VWF: variants seen among roughly 807,000 people sequenced by gnomAD.
VWF encodes the protein Factor VIII related antigen.
In VWF, 176 loss-of-function variants were observed where a neutral mutation model predicts 308.6. That is an observed-to-expected ratio of 0.57 (90% confidence interval 0.50 to 0.65). The LOEUF (loss-of-function observed/expected upper bound fraction) is 0.65. Ranked by LOEUF, VWF falls within the 30% of genes least tolerant of loss-of-function variation. The pLI is 0.00. For synonymous variants in VWF, 1,385 were observed against 1,443.4 expected, an observed-to-expected ratio of 0.96 and a Z score of 0.92; for missense variants, 3,146 against 3,648.2, an observed-to-expected ratio of 0.86 and a Z score of 3.55.
intron 47 of VWF, among the ~76,000 whole-genome samples, chr12:5,955,657 G>T (rs1943240935): frequency 6.6e-6 from 1 of 151,548 alleles, no homozygotes; most frequent in Admixed American, 6.6e-5. Flanking sequence ...TTGCTATTGT[G>T]ACTAGTGTAG....
chr12:5,960,684 T>C (rs1010928224), intron 47 of VWF, among the ~76,000 whole-genome samples: 16 of 152,290 alleles, frequency 1.1e-4, no homozygotes, highest in African/African-American at 3.4e-4. Flanking sequence ...GGCTCACCAT[T>C]TGAAATCAAT....
At position 6,060,523 on chromosome 12, in the gene VWF, C is replaced by A. The variant is rs563974671; in HGVS notation, c.1533+2431G>T. The stretch of plus-strand genomic sequence containing the variant: ...ACCTCCTGCCCCAACTCAAACACCC[C>A]CTTTCCTGCTTCATAATAAAACCCA... On this transcript the variant is annotated intron_variant, in intron 13 of 51. Transcript: ENST00000261405. The surrounding 1 kb of genome is among the most constrained non-coding windows in gnomAD (Gnocchi z 5.1). Among the ~76,000 whole-genome samples, 1 of 152,172 alleles carries A rather than the reference C, an allele frequency of 6.6e-6. No homozygotes were observed. Among genetic ancestry groups the A allele is most frequent in the African/African-American group, 2.4e-5 (1 of 41,446 alleles).
At chr12:5,969,021 C>A (rs1393182338) in intron 45 of VWF, among the ~76,000 whole-genome samples, 190 bp downstream of exon 45, 1 of 152,172 alleles carries the variant, frequency 6.6e-6, no homozygotes, top group Non-Finnish European at 1.5e-5. Flanking sequence ...ATGTAGTGAT[C>A]TTCAGGAAAT....
chr12:6,011,290 C>G lies in VWF; in HGVS notation c.5842+327G>C, dbSNP rs141686973. Among the ~76,000 whole-genome samples, 20 of 152,296 alleles carry G rather than the reference C, an allele frequency of 1.3e-4. No homozygotes were observed. In the East Asian group the frequency reaches 3.3e-3, roughly 25 times the overall value. On this transcript the variant is annotated intron_variant, in intron 34 of 51. Transcript: ENST00000261405. ...CACTGCTATACTTCCACTGCTATAC[C>G]CTGAATACACAGATTCCTAAAGGTT...
intron 43 of VWF, among the ~76,000 whole-genome samples, chr12:5,975,297 T>G (rs1237231743): frequency 6.6e-6 from 1 of 152,260 alleles, no homozygotes; most frequent in Non-Finnish European, 1.5e-5. Flanking sequence ...AAGATGGATG[T>G]GCTCGCCTGC....
intron 9 of VWF, among the ~76,000 whole-genome samples, chr12:6,071,849 T>A (rs989105551): frequency 6.6e-6 from 1 of 152,134 alleles, no homozygotes; most frequent in South Asian, 2.1e-4. Context: ...AGAGGTGACA[T>A]CCAGGGGTGC....
chr12:6,078,009 C>T (rs955248504), intron 6 of VWF, among the ~76,000 whole-genome samples: 3 of 152,116 alleles, frequency 2.0e-5, no homozygotes, highest in African/African-American at 4.8e-5. Flanking sequence ...AATATGCACG[C>T]GGAAGACTTA....
intron 5 of VWF, among the ~76,000 whole-genome samples, chr12:6,108,334 TACACACACACAC>T (rs34140032): frequency 0.056 from 6,902 of 124,192 alleles, 461 homozygotes; most frequent in African/African-American, 0.16. Flanking sequence ...AAGAAATATA[TACACACACACAC>T]ACACACACAC....
chr12:6,104,922 A>G (rs1352607780), intron 5 of VWF, among the ~76,000 whole-genome samples: 1 of 152,230 alleles, frequency 6.6e-6, no homozygotes, highest in Non-Finnish European at 1.5e-5. Context: ...ATTTGGCCAT[A>G]AGAATGAAAT....
intron 16 of VWF, among the ~76,000 whole-genome samples, chr12:6,049,934 C>T (rs1309759099): frequency 6.6e-6 from 1 of 152,178 alleles, no homozygotes; most frequent in Non-Finnish European, 1.5e-5. Flanking sequence ...CTGAACATTC[C>T]CCCAAGTTCT....
At chr12:6,084,531 G>A (rs1944948004) in intron 6 of VWF, among the ~76,000 whole-genome samples, 1 of 152,142 alleles carries the variant, frequency 6.6e-6, no homozygotes. Flanking sequence ...GCGGGTGCAG[G>A]GGAGGAGGAG....
chr12:6,058,682 ATAGGAG>A lies in VWF; in HGVS notation c.1534-644_1534-639del, dbSNP rs1464786290. Among the ~76,000 whole-genome samples the A allele has an allele frequency of 1.3e-5, 2 of 152,212 alleles. No individual in the cohort carries two copies. The highest frequency in any genetic ancestry group is 4.8e-5 in the African/African-American group (2 of 41,448). On this transcript the variant is annotated intron_variant, in intron 13 of 51. Transcript: ENST00000261405. The surrounding 1 kb of genome is among the most constrained non-coding windows in gnomAD (Gnocchi z 4.9). ...CAGAAGACTCTGAGGGTGATGATGGATAGGAGTAGGAGTCTGCAGAGGCTCTGAGGC... is the reference window on the plus strand; with the variant it reads ...CAGAAGACTCTGAGGGTGATGATGGATAGGAGTCTGCAGAGGCTCTGAGGC...
At chr12:6,066,808 C>T (rs187070245) in intron 10 of VWF, among the ~76,000 whole-genome samples, 1 of 152,378 alleles carries the variant, frequency 6.6e-6, no homozygotes, top group African/African-American at 2.4e-5. Context: ...GCACTTCATG[C>T]TCGCATGTGC....
chr12:5,986,931 T>C (rs978563256), intron 38 of VWF, among the ~76,000 whole-genome samples: 14 of 152,000 alleles, frequency 9.2e-5, no homozygotes, highest in African/African-American at 2.9e-4. Flanking sequence ...GTTTGTTTGT[T>C]TGTTTGTTTG....
chr12:6,003,798 G>T (rs1429633375), intron 34 of VWF, among the ~76,000 whole-genome samples: 1 of 148,108 alleles, frequency 6.8e-6, no homozygotes, highest in Non-Finnish European at 1.5e-5. Context: ...CAACAATGTG[G>T]ATTTTCTTTC....
Position 6,057,982 on chromosome 12 carries a change from G to A in VWF, c.1596C>T (p.Gly532=), listed in dbSNP as rs111240043. Residue 532 remains glycine, a synonymous_variant, in exon 14 of 52, where the codon GGC becomes GGT. Coordinates refer to ENST00000261405, the MANE Select transcript of VWF (RefSeq NM_000552.5). ...GCCCAGAGGGGGTAAGGAAGTCGTC[G>A]CCCTGGTTGCCATTGTAATTCCCAC... is the stretch of plus-strand genomic sequence containing the variant. The part of the protein sequence containing the change: ...GLCGNYNGNQ[G]DDFLTPSGLA... The A allele has an allele frequency of 5.5e-4, 892 of 1,613,606 alleles. 4 individuals carry two copies. The African/African-American group carries it at 7.7e-3, about 14-fold the overall frequency.
At position 6,000,457 on chromosome 12, in the gene VWF, A is replaced by G. The variant is rs371119470; in HGVS notation, c.5843-4235T>C. ...CTTCTAGCATCAATGCTATAGAAAA[A>G]CAGTTTTAAATACATAGGAATTAAT... On this transcript the variant is annotated intron_variant, in intron 34 of 51. Coordinates refer to ENST00000261405, the MANE Select transcript of VWF (RefSeq NM_000552.5). Among the ~76,000 whole-genome samples, 5 of 152,300 alleles carry G rather than the reference A, an allele frequency of 3.3e-5. No individual in the cohort carries two copies. In the East Asian group the frequency reaches 7.7e-4, roughly 23 times the overall value.
chr12:6,050,870 G>A (rs1047678464), intron 16 of VWF, among the ~76,000 whole-genome samples: 4 of 151,748 alleles, frequency 2.6e-5, no homozygotes, highest in African/African-American at 4.8e-5. Flanking sequence ...CAAGAGAATC[G>A]CTTGAACCCC....
chr12:6,085,078 C>T (rs1944953979), intron 6 of VWF, among the ~76,000 whole-genome samples: 1 of 152,136 alleles, frequency 6.6e-6, no homozygotes, highest in Admixed American at 6.5e-5. Context: ...GGCCATGGAC[C>T]TCTCTAAGGG....
Sources: allele counts gnomAD v4.1 joint callset (sites outside exome capture counted in the v4.1 genomes callset), GRCh38; gene constraint gnomAD v4.1.1; non-coding constraint Gnocchi (gnomAD v3.1); transcripts MANE v1.5; gene names NCBI Gene and HGNC (gene_info 2026-07-23, HGNC 2026-07-21).